The following ALG5 variants were observed in gnomAD, a reference collection of about 807,000 sequenced individuals.
ALG5 encodes the protein ALG5 dolichyl-phosphate beta-glucosyltransferase.
ALG5 carries 26 observed loss-of-function variants against 51.8 expected under a neutral mutation model. The ratio of observed to expected loss-of-function variants is 0.50; its 90% CI spans 0.37 to 0.70. The LOEUF (loss-of-function observed/expected upper bound fraction) is 0.70. Ranked by LOEUF, ALG5 falls within the 30% of genes least tolerant of loss-of-function variation. The pLI is 0.00. For missense variants in ALG5, 311 were observed against 399.3 expected (o/e 0.78, Z 1.88); for synonymous variants, 141 against 136.1 (o/e 1.04, Z -0.25).
chr13:36,976,821 G>A (rs1174992046), intron 6 of ALG5, among the ~76,000 whole-genome samples: 1 of 152,058 alleles, frequency 6.6e-6, no homozygotes, highest in South Asian at 2.1e-4. Context: ...TTGTTTTTCT[G>A]GTAGAGGTAC....
intron 9 of ALG5, 93 bp from the exon 10 acceptor site, chr13:36,950,150 C>A: frequency 3.1e-6 from 2 of 636,494 alleles, no homozygotes; most frequent in Non-Finnish European, 5.1e-6. Flanking sequence ...TCGTTGTGAG[C>A]CTTTAGCACC....
intron 5 of ALG5, among the ~76,000 whole-genome samples, chr13:36,988,798 C>G (rs1019768456): frequency 6.6e-6 from 1 of 152,210 alleles, no homozygotes; most frequent in Non-Finnish European, 1.5e-5. Context: ...AGTGAAACGG[C>G]AGAAGCCTGG....
At chr13:36,957,458 C>T (rs1171464981) in intron 8 of ALG5, among the ~76,000 whole-genome samples, 1 of 152,010 alleles carries the variant, frequency 6.6e-6, no homozygotes, top group Non-Finnish European at 1.5e-5. Context: ...GACAATGGCC[C>T]CGCTTTCAAG....
At chr13:36,987,880 A>C (rs181757988) in intron 5 of ALG5, among the ~76,000 whole-genome samples, 1 of 152,172 alleles carries the variant, frequency 6.6e-6, no homozygotes, top group South Asian at 2.1e-4. Context: ...CTGGCTGATT[A>C]AAGTGTCACT....
chr13:36,968,924 T>A (rs1049803350), intron 7 of ALG5, among the ~76,000 whole-genome samples: 2 of 152,238 alleles, frequency 1.3e-5, no homozygotes, highest in African/African-American at 4.8e-5. Context: ...GCAGTAGTTG[T>A]CATAGCATCT....
chr13:36,983,726 C>A (rs1400223844), intron 6 of ALG5, among the ~76,000 whole-genome samples: 1 of 151,806 alleles, frequency 6.6e-6, no homozygotes, highest in African/African-American at 2.4e-5. Flanking sequence ...ACAGCTAATT[C>A]TCTTAAGAAT....
Position 36,999,279 on chromosome 13 carries a change from G to T in ALG5, c.22C>A (p.Leu8Met). 2 of 1,580,102 alleles carry T rather than the reference G, an allele frequency of 1.3e-6. No individual in the cohort carries two copies. Among genetic ancestry groups the T allele is most frequent in the South Asian group, 1.1e-5 (1 of 87,512 alleles). Residue 8 changes from leucine to methionine, a missense_variant, in exon 1 of 10, where the codon CTG becomes ATG. Leu to Met is a conservative substitution (Grantham distance 15, BLOSUM62 2). Transcript: ENST00000239891. Reference sequence around the variant, plus strand: ...GCCAGCGCCGCGCCGAGCACCGCCAGCTGCAACAGAAGCGGAGCCATTCTC... The same window carrying T: ...GCCAGCGCCGCGCCGAGCACCGCCATCTGCAACAGAAGCGGAGCCATTCTC... The part of the protein sequence containing the change: MAPLLLQ[L>M]AVLGAALAAA...
At chr13:36,972,855 G>A (rs1460015415) in intron 6 of ALG5, among the ~76,000 whole-genome samples, 5 of 151,906 alleles carry the variant, frequency 3.3e-5, no homozygotes, top group East Asian at 3.9e-4. Flanking sequence ...AGCTGGGCGT[G>A]GTGGCGGGCG....
intron 6 of ALG5, 48 bp from the exon 7 acceptor site, chr13:36,972,084 TAA>T: frequency 1.5e-6 from 2 of 1,328,856 alleles, no homozygotes; most frequent in South Asian, 1.4e-5. Flanking sequence ...ATATCACTAA[TAA>T]AAATATTTAT....
In ALG5 at chr13:36,950,299, C is replaced by T. The variant is rs575575532; in HGVS notation, c.860-242G>A. Among the ~76,000 whole-genome samples the T allele has an allele frequency of 2.6e-5, 4 of 152,130 alleles. No homozygotes were observed. The South Asian group carries it at 8.3e-4, about 32-fold the overall frequency. On this transcript the variant is annotated intron_variant, in intron 9 of 9. Transcript: ENST00000239891. Reference sequence around the variant, plus strand: ...GGATCTAAATAGTGAAAATTTCATACGGCCCTACTATAGAAAGGAAGGACT... The same window carrying T: ...GGATCTAAATAGTGAAAATTTCATATGGCCCTACTATAGAAAGGAAGGACT...
chr13:36,994,922 G>A, intron 3 of ALG5, 67 bp downstream of exon 3: 3 of 1,396,626 alleles, frequency 2.1e-6, no homozygotes, highest in Non-Finnish European at 3.0e-6. Context: ...TCTGGCTTGG[G>A]GTCCACAATT....
At chr13:36,950,421 C>A (rs2138773799) in intron 9 of ALG5, among the ~76,000 whole-genome samples, 1 of 152,132 alleles carries the variant, frequency 6.6e-6, no homozygotes, top group Non-Finnish European at 1.5e-5. Context: ...AGATACAGCA[C>A]AACAGATAAA....
chr13:36,977,545 A>G (rs1374214817), intron 6 of ALG5, among the ~76,000 whole-genome samples: 2 of 151,904 alleles, frequency 1.3e-5, no homozygotes, highest in Non-Finnish European at 2.9e-5. Flanking sequence ...TACTCCCAGC[A>G]CTTTGGGAGG....
intron 6 of ALG5, among the ~76,000 whole-genome samples, chr13:36,980,415 C>T (rs759439910): frequency 7.2e-5 from 11 of 151,834 alleles, no homozygotes; most frequent in East Asian, 2.0e-4. Flanking sequence ...TTAGTAGAGA[C>T]GGGATTTCGC....
intron 6 of ALG5, among the ~76,000 whole-genome samples, chr13:36,979,954 T>C (rs552757982): frequency 1.3e-4 from 20 of 151,850 alleles, no homozygotes; most frequent in Admixed American, 6.6e-4. Flanking sequence ...GGTTGACACA[T>C]GAGATTTGCT....
intron 1 of ALG5, chr13:36,998,939 G>C (rs1190073401): frequency 6.5e-6 from 2 of 308,144 alleles, no homozygotes; most frequent in Non-Finnish European, 1.2e-5. Flanking sequence ...TAGGGGGCGC[G>C]GGCGCCAGGG....
intron 8 of ALG5, among the ~76,000 whole-genome samples, chr13:36,960,247 T>G (rs2058859736): frequency 6.6e-6 from 1 of 152,190 alleles, no homozygotes; most frequent in East Asian, 1.9e-4. Context: ...CTTTAGTTCT[T>G]AGCATCGATT....
chr13:36,985,004 T>C (rs1037671159), intron 6 of ALG5, among the ~76,000 whole-genome samples: 1 of 152,094 alleles, frequency 6.6e-6, no homozygotes, highest in African/African-American at 2.4e-5. Context: ...TATTGTGTGA[T>C]GGTAGGTATA....
chr13:36,970,430 C>T (rs2058916930), intron 7 of ALG5, among the ~76,000 whole-genome samples: 1 of 150,302 alleles, frequency 6.7e-6, no homozygotes, highest in Admixed American at 6.7e-5. Flanking sequence ...GGTGAAACTG[C>T]CTCTACTAAA....
Sources: allele counts gnomAD v4.1 joint callset (sites outside exome capture counted in the v4.1 genomes callset), GRCh38; gene constraint gnomAD v4.1.1; transcripts MANE v1.5; gene names NCBI Gene and HGNC (gene_info 2026-07-23, HGNC 2026-07-21).